Variants in MYLK4 observed in about 807,000 individuals in gnomAD.
The protein encoded by MYLK4 is myosin light chain kinase family member 4, also known as caMLCK like.
In MYLK4, 46 loss-of-function variants were observed where a neutral mutation model predicts 48.1. That is an observed-to-expected ratio of 0.96 (90% confidence interval 0.75 to 1.22). The LOEUF is 1.22. Ranked by LOEUF, MYLK4 falls within the 50% of genes most tolerant of loss-of-function variation. The pLI is 0.00. For missense variants in MYLK4, 451 were observed against 486.1 expected (o/e 0.93, Z 0.68); for synonymous variants, 170 against 180.8 (o/e 0.94, Z 0.48).
At chr6:2,669,012 G>A (rs12208639) in intron 12 of MYLK4, among the ~76,000 whole-genome samples, 13,605 of 152,048 alleles carry the variant, frequency 0.089, 878 homozygotes, top group Non-Finnish European at 0.13. Flanking sequence ...AGGCTGCAGT[G>A]AGCTATGCTG....
At chr6:2,761,110 C>T in the MYLK4 span, among the ~76,000 whole-genome samples, 204 of 152,260 alleles carry the variant, frequency 1.3e-3, 1 homozygote, top group African/African-American at 4.8e-3. Flanking sequence ...AATACCTGCT[C>T]ATAGGCACTG....
At chr6:2,757,120 G>A in the MYLK4 span, among the ~76,000 whole-genome samples, 1 of 150,464 alleles carries the variant, frequency 6.6e-6, no homozygotes, top group South Asian at 2.1e-4. Flanking sequence ...GGGCAGTTTG[G>A]TGAACTCTCA....
chr6:2,680,740 T>C (rs893032483), intron 7 of MYLK4, among the ~76,000 whole-genome samples: 4 of 152,234 alleles, frequency 2.6e-5, no homozygotes, highest in African/African-American at 4.8e-5. Context: ...ACACTGAACA[T>C]GCACTGTCAC....
intron 2 of MYLK4, among the ~76,000 whole-genome samples, chr6:2,728,116 G>GGCAGTACTCA (rs1763348394): frequency 6.6e-6 from 1 of 152,174 alleles, no homozygotes; most frequent in Non-Finnish European, 1.5e-5. Flanking sequence ...AGGTCACTGA[G>GGCAGTACTCA]GCAGTAGGTA....
intron 2 of MYLK4, among the ~76,000 whole-genome samples, chr6:2,698,681 A>G (rs138628174): frequency 6.6e-6 from 1 of 152,368 alleles, no homozygotes; most frequent in African/African-American, 2.4e-5. Context: ...AAATCCTACA[A>G]GAATACAAAG....
At chr6:2,753,366 G>C (rs1269123865), upstream of MYLK4, among the ~76,000 whole-genome samples, 1 of 152,054 alleles carries the variant, frequency 6.6e-6, no homozygotes, top group African/African-American at 2.4e-5. Flanking sequence ...AAGACCTCTT[G>C]AATGTTTACA....
chr6:2,728,572 G>A (rs1202524521), intron 2 of MYLK4, among the ~76,000 whole-genome samples: 2 of 152,138 alleles, frequency 1.3e-5, no homozygotes, highest in African/African-American at 4.8e-5. Context: ...TCTTCCATCT[G>A]TCTTTCCTCA....
the MYLK4 span, chr6:2,770,098 T>C: frequency 6.2e-7 from 1 of 1,612,788 alleles, no homozygotes; most frequent in Non-Finnish European, 8.5e-7. Flanking sequence ...ATCACTTTTT[T>C]CTGTTTTCCT....
chr6:2,729,848 A>G (rs1467701031), intron 2 of MYLK4, among the ~76,000 whole-genome samples: 4 of 152,182 alleles, frequency 2.6e-5, no homozygotes, highest in Non-Finnish European at 5.9e-5. Flanking sequence ...TATATAAGCA[A>G]GAAGGGTGGC....
At chr6:2,766,822 A>G in the MYLK4 span, among the ~76,000 whole-genome samples, 1 of 152,096 alleles carries the variant, frequency 6.6e-6, no homozygotes. Flanking sequence ...TAAATTGTAA[A>G]GAAACATTTG....
In MYLK4 at chr6:2,749,067, G is replaced by T. The variant is rs116229727; in HGVS notation, c.159+69C>A. On this transcript the variant is annotated intron_variant, in intron 2 of 12. Coordinates refer to ENST00000274643, the MANE Select transcript of MYLK4 (RefSeq NM_001012418.5). ...CTTTCCTTAATTGTACTCACAAGCG[G>T]CTCCATGACATTAGAAAAGATAAGA... is the stretch of plus-strand genomic sequence containing the variant. 3,928 of 1,436,084 alleles carry T rather than the reference G, an allele frequency of 2.7e-3. 87 individuals are homozygous for T. The African/African-American group carries it at 0.05, about 18-fold the overall frequency. 89.0% of individuals were successfully genotyped at this position (1,436,084 alleles called of 1,614,324 possible).
Position 2,692,773 on chromosome 6 carries a change from A to G in MYLK4, c.235+11T>C. The G allele has an allele frequency of 1.2e-6, 2 of 1,612,618 alleles. No individual in the cohort carries two copies. The highest frequency in any genetic ancestry group is 2.2e-5 in the East Asian group (1 of 44,874). ...TTCATCCATAACTATCTACTTTTCT[A>G]AAGATGTTACCTGCGAGGGCTGATG... On this transcript the variant is annotated intron_variant, in intron 3 of 12. Coordinates refer to ENST00000274643, the MANE Select transcript of MYLK4 (RefSeq NM_001012418.5).
the MYLK4 span, among the ~76,000 whole-genome samples, chr6:2,767,065 G>A: frequency 6.6e-6 from 1 of 152,096 alleles, no homozygotes; most frequent in Non-Finnish European, 1.5e-5. Flanking sequence ...TTTTCATCCG[G>A]TATTTCCGTA....
intron 7 of MYLK4, chr6:2,680,493 C>T (rs551103616): frequency 1.0e-6 from 1 of 985,414 alleles, no homozygotes; most frequent in South Asian, 4.7e-5. Flanking sequence ...CCTGCATTAT[C>T]CAGCCTGTCC....
intron 2 of MYLK4, among the ~76,000 whole-genome samples, chr6:2,737,382 G>A (rs963870401): frequency 6.6e-6 from 1 of 152,208 alleles, no homozygotes; most frequent in Non-Finnish European, 1.5e-5. Flanking sequence ...GATTTTCCAA[G>A]GCATTTTCAC....
chr6:2,718,240 C>T (rs1012251442), intron 2 of MYLK4, among the ~76,000 whole-genome samples: 1 of 151,798 alleles, frequency 6.6e-6, no homozygotes, highest in African/African-American at 2.4e-5. Context: ...ACATCTAGTG[C>T]TGCGGTCTCC....
chr6:2,737,116 C>A (rs1763707845), intron 2 of MYLK4, among the ~76,000 whole-genome samples: 1 of 152,190 alleles, frequency 6.6e-6, no homozygotes, highest in South Asian at 2.1e-4. Context: ...AGATCGAGAC[C>A]ATCCTGGCCA....
chr6:2,716,756 C>G (rs1360592378), intron 2 of MYLK4, among the ~76,000 whole-genome samples: 2 of 152,188 alleles, frequency 1.3e-5, no homozygotes, highest in Admixed American at 1.3e-4. Context: ...CAAGCTATAC[C>G]TTTCTGTACC....
intron 7 of MYLK4, among the ~76,000 whole-genome samples, chr6:2,681,959 T>C (rs541758692): frequency 1.1e-3 from 169 of 152,354 alleles, no homozygotes; most frequent in African/African-American, 3.7e-3. Context: ...ACTCAGTTCA[T>C]AGTGAGGGTT....
Sources: gnomAD v4.1 joint callset for allele counts (sites outside exome capture counted in the v4.1 genomes callset) on GRCh38, gnomAD v4.1.1 for gene constraint, MANE v1.5 for transcripts, NCBI Gene and HGNC (gene_info 2026-07-23, HGNC 2026-07-21) for gene names.